ELMO1: variants seen among roughly 807,000 people sequenced by gnomAD.
The protein encoded by ELMO1 is engulfment and cell motility protein 1.
A neutral mutation model predicts 98.9 loss-of-function variants in ELMO1; 26 were observed. The ratio of observed to expected loss-of-function variants is 0.26; its 90% confidence interval spans 0.19 to 0.36. ELMO1 has a LOEUF of 0.36. ELMO1 is among the 10% of genes least tolerant of loss of function. The probability of loss-of-function intolerance (pLI) is 1.00; values close to 1 mark genes in which losing one functional copy is unlikely to be tolerated. For missense variants in ELMO1, 627 were observed against 935.2 expected, an observed-to-expected ratio of 0.67 and a Z score of 4.30; for synonymous variants, 346 against 346.0, an observed-to-expected ratio of 1.00 and a Z score of 0.00.
intron 5 of ELMO1, among the ~76,000 whole-genome samples, chr7:37,267,034 TATATACAC>T (rs1263650858): frequency 0.03 from 2,543 of 85,424 alleles, 276 homozygotes; most frequent in Middle Eastern, 0.058. Context: ...AAAATATGTA[TATATACAC>T]ACACACACAC....
chr7:37,202,119 T>C (rs373686916), intron 13 of ELMO1, among the ~76,000 whole-genome samples: 6 of 152,366 alleles, frequency 3.9e-5, no homozygotes, highest in African/African-American at 1.2e-4. Flanking sequence ...TATAACTGTA[T>C]AAGATTTCAG....
intron 16 of ELMO1, among the ~76,000 whole-genome samples, chr7:36,970,179 TAACAC>T (rs1322920491): frequency 2.7e-5 from 3 of 113,152 alleles, no homozygotes; most frequent in African/African-American, 1.3e-4. Flanking sequence ...TTCATACACT[TAACAC>T]ACACACACAC....
intron 14 of ELMO1, among the ~76,000 whole-genome samples, chr7:37,107,348 G>A (rs147436042): frequency 4.9e-4 from 75 of 152,278 alleles, no homozygotes; most frequent in African/African-American, 1.7e-3. Context: ...TGGAGAGGGT[G>A]AGCCTTGAGT....
intron 1 of ELMO1, among the ~76,000 whole-genome samples, chr7:37,371,835 T>G (rs754956968): frequency 2.0e-5 from 3 of 152,234 alleles, no homozygotes. Flanking sequence ...ACTCCCCTGA[T>G]GAGTTGCGAA....
chr7:37,397,205 AAACTT>A (rs1156242550), intron 1 of ELMO1, among the ~76,000 whole-genome samples: 3 of 152,218 alleles, frequency 2.0e-5, no homozygotes, highest in African/African-American at 7.2e-5. Context: ...GACCCACAAA[AAACTT>A]AAAAATACTT....
Position 37,301,104 on chromosome 7 carries a change from C to T in ELMO1, c.192+13746G>A, listed in dbSNP as rs560070112. 1.6e-4 allele frequency among the ~76,000 whole-genome samples: 24 copies of T among 151,854 alleles called. No homozygotes were observed. In the East Asian group the frequency reaches 2.1e-3, roughly 13 times the overall value. On this transcript the variant is annotated intron_variant, in intron 4 of 21. Coordinates refer to ENST00000310758, the MANE Select transcript of ELMO1 (RefSeq NM_014800.11). ...ATGGTAGTTTGTATTTCTGTGGGAT[C>T]GGTGGTGATATCCCCTTTATCATTT...
At position 36,887,743 on chromosome 7, in the gene ELMO1, G is replaced by A. The variant is rs571014426; in HGVS notation, c.1602-71C>T. On this transcript the variant is annotated intron_variant, in intron 17 of 21. Transcript: ENST00000310758. ...GAGTGTGGCTTGGTGGGCATCATGG[G>A]CATACGGGCAGGGGAGAACAAGTGC... The A allele has an allele frequency of 5.7e-5, 78 of 1,377,148 alleles. No individual in the cohort carries two copies. The African/African-American group carries it at 9.8e-4, about 17-fold the overall frequency. The allele number at this position is 1,377,148 out of a possible 1,614,324, so 85.3% of individuals were successfully genotyped here. A position where few individuals can be genotyped will look rare whatever the true frequency, so the allele number is the denominator to read the frequency against.
chr7:36,996,067 A>G (rs755336708), intron 16 of ELMO1, among the ~76,000 whole-genome samples: 7 of 152,348 alleles, frequency 4.6e-5, no homozygotes, highest in Non-Finnish European at 1.5e-5. Context: ...TGAAAAATCA[A>G]TTGGCTTTTG....
intron 13 of ELMO1, among the ~76,000 whole-genome samples, chr7:37,201,975 A>C (rs1190717493): frequency 1.3e-5 from 2 of 152,228 alleles, no homozygotes; most frequent in Non-Finnish European, 2.9e-5. Context: ...AGCCTGAACC[A>C]TCCCAGGTAA....
chr7:36,888,997 C>T (rs1805296012), intron 17 of ELMO1, among the ~76,000 whole-genome samples: 1 of 152,144 alleles, frequency 6.6e-6, no homozygotes. Flanking sequence ...CCCATCATTC[C>T]CATCTTACAG....
intron 14 of ELMO1, among the ~76,000 whole-genome samples, chr7:37,105,536 T>A (rs1468168370): frequency 2.0e-5 from 3 of 152,196 alleles, no homozygotes; most frequent in African/African-American, 7.2e-5. Flanking sequence ...AAATGCAGAT[T>A]GCTGGACTCC....
chr7:36,959,239 C>G (rs545440797), intron 16 of ELMO1, among the ~76,000 whole-genome samples: 2 of 152,244 alleles, frequency 1.3e-5, no homozygotes, highest in African/African-American at 4.8e-5. Flanking sequence ...CTTGCCAGAT[C>G]TGCAGCAGGG....
At chr7:37,275,984 C>T (rs1456744169) in intron 4 of ELMO1, among the ~76,000 whole-genome samples, 1 of 152,130 alleles carries the variant, frequency 6.6e-6, no homozygotes, top group Non-Finnish European at 1.5e-5. Flanking sequence ...AGAGGCTTGT[C>T]ATTGTTCTGA....
intron 19 of ELMO1, among the ~76,000 whole-genome samples, chr7:36,874,745 C>G (rs1026045178): frequency 1.9e-4 from 29 of 152,136 alleles, no homozygotes; most frequent in African/African-American, 6.3e-4. Flanking sequence ...GTGAGGAACC[C>G]AGGGCATGGC....
chr7:36,886,684 G>T (rs1805036822), intron 18 of ELMO1, among the ~76,000 whole-genome samples: 1 of 152,202 alleles, frequency 6.6e-6, no homozygotes, highest in Middle Eastern at 3.2e-3. Flanking sequence ...CTCTAGCTGT[G>T]CAATCAGCAG....
At chr7:37,018,953 G>A (rs192237022) in intron 15 of ELMO1, among the ~76,000 whole-genome samples, 6 of 152,240 alleles carry the variant, frequency 3.9e-5, no homozygotes, top group Non-Finnish European at 5.9e-5. Flanking sequence ...ATAGATAAGC[G>A]GGGGGCGGGG....
chr7:37,020,794 G>C (rs77073901), intron 15 of ELMO1, among the ~76,000 whole-genome samples: 2 of 152,096 alleles, frequency 1.3e-5, no homozygotes, highest in African/African-American at 2.4e-5. Context: ...AAAAACACAC[G>C]CACTGGCCTA....
In ELMO1 at chr7:37,237,486, C is replaced by T. The variant is rs530990802; in HGVS notation, c.450-4292G>A. Among the ~76,000 whole-genome samples, 47 of 152,160 alleles carry T rather than the reference C, an allele frequency of 3.1e-4. No individual in the cohort carries two copies. The East Asian group carries it at 8.5e-3, about 28-fold the overall frequency. On this transcript the variant is annotated intron_variant, in intron 7 of 21. Coordinates refer to ENST00000310758, the MANE Select transcript of ELMO1 (RefSeq NM_014800.11). ...TGTATTTTTAGTAGAGAAGGGGTTT[C>T]GCCATGTTAGCCAGGCTGGCCTCAA...
intron 16 of ELMO1, among the ~76,000 whole-genome samples, chr7:36,917,044 TG>T (rs1181498909): frequency 2.6e-5 from 4 of 152,372 alleles, no homozygotes; most frequent in African/African-American, 7.2e-5. Context: ...TGATAGAAGC[TG>T]CAGGGTGCAA....
Sources: allele counts gnomAD v4.1 joint callset (sites outside exome capture counted in the v4.1 genomes callset), GRCh38; gene constraint gnomAD v4.1.1; transcripts MANE v1.5; gene names NCBI Gene and HGNC (gene_info 2026-07-23, HGNC 2026-07-21).